Variants in CAMK1D observed in about 807,000 individuals in gnomAD.
The protein encoded by CAMK1D is calcium/calmodulin-dependent protein kinase type 1D.
CAMK1D carries 9 observed loss-of-function variants against 47.7 expected under a neutral mutation model. The ratio of observed to expected loss-of-function variants is 0.19; its 90% confidence interval spans 0.11 to 0.33. The LOEUF (loss-of-function observed/expected upper bound fraction) is 0.33. CAMK1D is among the 10% of genes least tolerant of loss of function. CAMK1D has a pLI of 1.00. For missense variants in CAMK1D, 291 were observed against 488.7 expected (o/e 0.60, Z 3.81); for synonymous variants, 184 against 184.9 (o/e 0.99, Z 0.04).
At chr10:12,770,928 G>T (rs1387097980) in intron 5 of CAMK1D, among the ~76,000 whole-genome samples, 1 of 151,864 alleles carries the variant, frequency 6.6e-6, no homozygotes, top group African/African-American at 2.4e-5. Context: ...TCTTTTTTGT[G>T]GGGGGTGGGG....
rs375030447 is a variant in CAMK1D at position 12,797,384 on chromosome 10, C to A, written c.641+6151C>A. Among the ~76,000 whole-genome samples the A allele has an allele frequency of 1.3e-3, 191 of 151,926 alleles. 3 individuals carry two copies. Among genetic ancestry groups the A allele is most frequent in the African/African-American group, 4.4e-3 (184 of 41,470 alleles). Reference sequence around the variant, plus strand: ...AGCTAATTAAAAACAAAACAAAACACAACAAACTTTTTTTTTTTAGAGACG... The same window carrying A: ...AGCTAATTAAAAACAAAACAAAACAAAACAAACTTTTTTTTTTTAGAGACG... On this transcript the variant is annotated intron_variant, in intron 6 of 10. Transcript: ENST00000619168.
At chr10:12,553,161 AATGGAGCC>A in intron 1 of CAMK1D, 56 bp from the exon 2 acceptor site, 3 of 1,609,600 alleles carry the variant, frequency 1.9e-6, no homozygotes, top group Non-Finnish European at 2.5e-6. Context: ...TGGTAGGGTG[AATGGAGCC>A]ATTGTGAAAC....
At chr10:12,724,831 G>A (rs867992308) in intron 3 of CAMK1D, among the ~76,000 whole-genome samples, 12 of 151,786 alleles carry the variant, frequency 7.9e-5, no homozygotes, top group Non-Finnish European at 1.8e-4. Context: ...AGTGAGCTAC[G>A]GTCACACTGC....
In CAMK1D at chr10:12,371,299, G is replaced by A. The variant is rs192624864; in HGVS notation, c.92+21389G>A. Among the ~76,000 whole-genome samples, 353 of 152,058 alleles carry A rather than the reference G, an allele frequency of 2.3e-3. 2 individuals carry two copies. Among genetic ancestry groups the A allele is most frequent in the African/African-American group, 8.2e-3 (339 of 41,476 alleles). On this transcript the variant is annotated intron_variant, in intron 1 of 10. Transcript: ENST00000619168. ...CATTTAAAAAATCTTTTTTGAGGCCGGGCACGGTGGCTCACACCTGTAATC... is the reference window on the plus strand; with the variant it reads ...CATTTAAAAAATCTTTTTTGAGGCCAGGCACGGTGGCTCACACCTGTAATC...
chr10:12,773,164 CA>C (rs1837119709), intron 5 of CAMK1D, among the ~76,000 whole-genome samples: 1 of 152,194 alleles, frequency 6.6e-6, no homozygotes, highest in South Asian at 2.1e-4. Flanking sequence ...AATCTTTGTG[CA>C]GACACTTACT....
At chr10:12,543,851 G>A (rs1836278481) in intron 1 of CAMK1D, among the ~76,000 whole-genome samples, 1 of 152,168 alleles carries the variant, frequency 6.6e-6, no homozygotes, top group Admixed American at 6.5e-5. Context: ...ACAGCATGGA[G>A]AGCCAACCAT....
rs1486441233 is a variant in CAMK1D at position 12,544,707 on chromosome 10, GTGTTGAGTGGATAGTAC to G, written c.93-8516_93-8500del. 2.9e-3 allele frequency among the ~76,000 whole-genome samples: 438 copies of G among 152,162 alleles called. 1 individual carries two copies. Among genetic ancestry groups the G allele is most frequent in the African/African-American group, 9.7e-3 (402 of 41,384 alleles). On this transcript the variant is annotated intron_variant, in intron 1 of 10. Transcript: ENST00000619168. ...GAGATGGTACTGTTTTCTAGTACTAGTGTTGAGTGGATAGTACTAGTGTTGAGTGGATAGTACTAGTA... is the reference window on the plus strand; with the variant it reads ...GAGATGGTACTGTTTTCTAGTACTAGTAGTGTTGAGTGGATAGTACTAGTA...
chr10:12,350,418 A>G (rs948433109), intron 1 of CAMK1D, among the ~76,000 whole-genome samples: 1 of 152,208 alleles, frequency 6.6e-6, no homozygotes, highest in Non-Finnish European at 1.5e-5. Flanking sequence ...TTGGGTGGCC[A>G]CGCGAGGATG....
At chr10:12,746,832 G>T (rs1024436277) in intron 3 of CAMK1D, among the ~76,000 whole-genome samples, 1 of 152,118 alleles carries the variant, frequency 6.6e-6, no homozygotes, top group African/African-American at 2.4e-5. Flanking sequence ...ACTAAAAGGC[G>T]TCTGAGGTTC....
intron 1 of CAMK1D, among the ~76,000 whole-genome samples, chr10:12,433,416 T>A (rs559635434): frequency 5.3e-5 from 8 of 152,220 alleles, no homozygotes; most frequent in Non-Finnish European, 8.8e-5. Context: ...TTTTTTTTTT[T>A]AATATTTGTT....
chr10:12,505,711 T>C (rs1238178845), intron 1 of CAMK1D, among the ~76,000 whole-genome samples: 1 of 152,226 alleles, frequency 6.6e-6, no homozygotes, highest in Non-Finnish European at 1.5e-5. Context: ...TAATTACGCT[T>C]CTCAGAGCAG....
intron 3 of CAMK1D, among the ~76,000 whole-genome samples, chr10:12,714,302 A>T (rs765848455): frequency 1.3e-5 from 2 of 152,250 alleles, no homozygotes; most frequent in Non-Finnish European, 2.9e-5. Context: ...ATAGTCCCCA[A>T]AACATGCACC....
intron 10 of CAMK1D, among the ~76,000 whole-genome samples, chr10:12,826,844 C>A (rs1799340430): frequency 6.6e-6 from 1 of 152,242 alleles, no homozygotes; most frequent in African/African-American, 2.4e-5. Flanking sequence ...CACGATGGAT[C>A]CCTTCTTTAC....
chr10:12,458,844 G>A (rs1181701150), intron 1 of CAMK1D, among the ~76,000 whole-genome samples: 1 of 149,252 alleles, frequency 6.7e-6, no homozygotes, highest in African/African-American at 2.5e-5. Flanking sequence ...CTTCAGATAA[G>A]TTTCTTTCTT....
chr10:12,617,186 C>G (rs527336183), intron 2 of CAMK1D, among the ~76,000 whole-genome samples: 66 of 152,264 alleles, frequency 4.3e-4, no homozygotes, highest in African/African-American at 1.5e-3. Flanking sequence ...AGTAAGATTA[C>G]TAGTGCACCA....
chr10:12,635,008 C>T (rs901068059), intron 2 of CAMK1D, among the ~76,000 whole-genome samples: 8 of 152,136 alleles, frequency 5.3e-5, no homozygotes, highest in Non-Finnish European at 1.0e-4. Flanking sequence ...AGGATGCAGC[C>T]GTGACCCAGA....
intron 10 of CAMK1D, among the ~76,000 whole-genome samples, chr10:12,827,534 CTTTCT>C (rs1257809285): frequency 1.8e-4 from 5 of 27,948 alleles, no homozygotes; most frequent in African/African-American, 5.4e-4. Context: ...TTCTTTCTTT[CTTTCT>C]TTTCTTGTCT....
At chr10:12,639,846 A>AT (rs1839619428) in intron 2 of CAMK1D, among the ~76,000 whole-genome samples, 1 of 151,936 alleles carries the variant, frequency 6.6e-6, no homozygotes, top group African/African-American at 2.4e-5. Context: ...ATATATATAT[A>AT]TTTTTTGTTT....
chr10:12,807,249 G>T (rs11258001), intron 6 of CAMK1D, among the ~76,000 whole-genome samples: 9,620 of 152,202 alleles, frequency 0.063, 832 homozygotes, highest in East Asian at 0.45. Flanking sequence ...GCAGTTCTGG[G>T]TGCATGGAAC....
Sources: allele counts gnomAD v4.1 joint callset (sites outside exome capture counted in the v4.1 genomes callset), GRCh38; gene constraint gnomAD v4.1.1; transcripts MANE v1.5; gene names NCBI Gene and HGNC (gene_info 2026-07-23, HGNC 2026-07-21).